The following LAP3 variants were observed in gnomAD, a reference collection of about 807,000 sequenced individuals.
LAP3 encodes cytosol aminopeptidase.
LAP3 carries 46 observed loss-of-function variants against 58.8 expected under a neutral mutation model. The observed-to-expected ratio is 0.78, with a 90% confidence interval of 0.62 to 1.00. The LOEUF is 1.00. Ranked by LOEUF, LAP3 falls within the 50% of genes least tolerant of loss-of-function variation. The probability of loss-of-function intolerance (pLI) is 0.00; values close to 1 mark genes in which losing one functional copy is unlikely to be tolerated. For synonymous variants in LAP3, 257 were observed against 237.7 expected, an observed-to-expected ratio of 1.08 and a Z score of -0.75; for missense variants, 615 against 659.1, an observed-to-expected ratio of 0.93 and a Z score of 0.73.
rs1294995226 is a variant in LAP3, at chr4:17,583,508, G to C, written c.405G>C (p.Leu135=). The change falls in exon 5 of 13, where the codon CTG becomes CTC. Residue 135 remains leucine (L), a synonymous_variant. Coordinates refer to ENST00000226299, the MANE Select transcript of LAP3 (RefSeq NM_015907.3). ...CGGGGTGCAGGCAGATTCAAGACCT[G>C]GAGCTCTCGTCTGTGGAGGTGGATC... ...VAAGCRQIQD[L]ELSSVEVDPC... is the part of the protein sequence containing the mutation. 3 of 1,614,042 alleles carry C rather than the reference G, an allele frequency of 1.9e-6. No individual in the cohort carries two copies. Among genetic ancestry groups the C allele is most frequent in the Admixed American group, 1.7e-5 (1 of 60,030 alleles).
rs58358985 is a variant in LAP3 at position 17,580,186 on chromosome 4, T to TA, written c.218+247_218+248insA. Among the ~76,000 whole-genome samples, 17 of 30,204 alleles carry TA rather than the reference T, an allele frequency of 5.6e-4. 1 individual carries two copies. Among genetic ancestry groups the TA allele is most frequent in the African/African-American group, 3.9e-3 (17 of 4,370 alleles). The allele number at this position is 30,204 out of a possible 152,430, so 19.8% of individuals were successfully genotyped here. ...CTTTCATATATATATATATATGTATTTTTTTTTTTTTTCAGTAGAGTTGGG... is the reference window on the plus strand; with the variant it reads ...CTTTCATATATATATATATATGTATTATTTTTTTTTTTTCAGTAGAGTTGGG... On this transcript the variant is annotated intron_variant, in intron 2 of 12. Coordinates refer to ENST00000226299, the MANE Select transcript of LAP3 (RefSeq NM_015907.3).
intron 11 of LAP3, among the ~76,000 whole-genome samples, chr4:17,606,128 GATGA>G (rs887424955): frequency 3.3e-5 from 5 of 152,134 alleles, no homozygotes; most frequent in African/African-American, 1.2e-4. Flanking sequence ...GTGGGTAAGT[GATGA>G]ATGAATGAAT....
intron 7 of LAP3, among the ~76,000 whole-genome samples, chr4:17,589,977 GCCAAGGAGAGGC>G (rs1713638853): frequency 1.3e-5 from 2 of 152,106 alleles, no homozygotes; most frequent in African/African-American, 4.8e-5. Flanking sequence ...GGTTATTTCA[GCCAAGGAGAGGC>G]TGAACTGAGA....
chr4:17,595,676 C>A, intron 8 of LAP3, 142 bp downstream of exon 8: 1 of 980,100 alleles, frequency 1.0e-6, no homozygotes, highest in Non-Finnish European at 1.5e-6. Flanking sequence ...GCTATTTAGC[C>A]CAGATAAGTG....
chr4:17,588,673 A>C, intron 6 of LAP3, 146 bp from the exon 7 acceptor site: 4 of 686,238 alleles, frequency 5.8e-6, no homozygotes, highest in Non-Finnish European at 9.3e-6. Context: ...GAAAGCAAAT[A>C]ATGGGACCTG....
intron 10 of LAP3, among the ~76,000 whole-genome samples, chr4:17,603,177 C>T (rs939431471): frequency 1.3e-5 from 2 of 151,626 alleles, no homozygotes; most frequent in African/African-American, 4.8e-5. Context: ...GGTGTGGTGG[C>T]ATGTGCCTGT....
intron 11 of LAP3, among the ~76,000 whole-genome samples, chr4:17,605,084 A>C (rs1714086118): frequency 1.3e-5 from 2 of 151,402 alleles, no homozygotes; most frequent in Admixed American, 1.3e-4. Context: ...CATGCCCTTC[A>C]CAGCCAGCCT....
rs879270387 is a variant in LAP3 at position 17,577,250 on chromosome 4, C to A, written c.-216C>A. 0.025 allele frequency: 3,333 copies of A among 133,018 alleles called. No individual in the cohort carries two copies. The highest frequency in any genetic ancestry group is 0.062 in the Admixed American group (253 of 4,068). 8.2% of individuals were successfully genotyped at this position (133,018 alleles called of 1,614,324 possible). ...CGGGCGCACACGAATGCGGGCGCAC[C>A]CTTGAGTCCCCTCCACAACCGCGGT... is the stretch of plus-strand genomic sequence containing the variant. On this transcript the variant is annotated 5_prime_UTR_variant, in exon 1 of 13. Transcript: ENST00000226299.
rs372439585 is a variant in LAP3 at position 17,580,165 on chromosome 4, C to CATATATATATATATATATATATATATAT, written c.218+242_218+243insATATATATATATATATATATATATATAT. Among the ~76,000 whole-genome samples the CATATATATATATATATATATATATATAT allele has an allele frequency of 5.9e-4, 27 of 45,978 alleles. 1 individual carries two copies. The highest frequency in any genetic ancestry group is 3.2e-3 in the African/African-American group (25 of 7,818). The allele number at this position is 45,978 out of a possible 152,430, so 30.2% of individuals were successfully genotyped here. On this transcript the variant is annotated intron_variant, in intron 2 of 12. Transcript: ENST00000226299. ...GGCATGCCTCACCACTCCCGGCTTT[C>CATATATATATATATATATATATATATAT]ATATATATATATATATGTATTTTTT...
chr4:17,587,386 T>C (rs1240287034), intron 6 of LAP3: 1 of 151,952 alleles, frequency 6.6e-6, no homozygotes, highest in Non-Finnish European at 1.5e-5. Context: ...AAGTACTGAG[T>C]TAATGATTTA....
intron 9 of LAP3, 80 bp from the exon 10 acceptor site, chr4:17,598,376 C>T: frequency 9.7e-7 from 1 of 1,031,882 alleles, no homozygotes; most frequent in Non-Finnish European, 1.5e-6. Context: ...TCCAACTTTT[C>T]CGTCGAACAC....
intron 10 of LAP3, 77 bp from the exon 11 acceptor site, chr4:17,604,511 A>T (rs951633627): frequency 2.1e-6 from 2 of 964,784 alleles, no homozygotes; most frequent in Non-Finnish European, 3.4e-6. Context: ...GTACATGCTA[A>T]GGTTTCCATC....
intron 1 of LAP3, among the ~76,000 whole-genome samples, chr4:17,579,322 C>CT (rs1713289614): frequency 6.6e-6 from 1 of 152,142 alleles, no homozygotes; most frequent in Non-Finnish European, 1.5e-5. Context: ...TCTCCTTTTC[C>CT]TGGTACAGGG....
chr4:17,591,157 A>G (rs1713682568), intron 7 of LAP3, among the ~76,000 whole-genome samples: 1 of 151,042 alleles, frequency 6.6e-6, no homozygotes, highest in African/African-American at 2.4e-5. Flanking sequence ...GCTCATTGCA[A>G]CCTCTGCCTC....
intron 4 of LAP3, 51 bp downstream of exon 4, chr4:17,582,444 T>C (rs1713390316): frequency 7.3e-7 from 1 of 1,378,882 alleles, no homozygotes; most frequent in African/African-American, 1.4e-5. Flanking sequence ...CTCTTTTTGA[T>C]GACCTCTCTT....
At chr4:17,598,608 T>C (rs1713892496) in intron 10 of LAP3, 50 bp downstream of exon 10, 1 of 1,328,156 alleles carries the variant, frequency 7.5e-7, no homozygotes, top group Non-Finnish European at 1.1e-6. Context: ...TCTTGTTCGT[T>C]GCATGGATTT....
rs1713212087 is a variant in LAP3 at position 17,577,209 on chromosome 4, C to CGGGCGCACACGAATGT, written c.-242_-241insTGGGCGCACACGAATG. ...CCGCATGCGCGGGCGCACACGAATG[C>CGGGCGCACACGAATGT]GGGCGCACACGAATGCGGGCGCACA... On this transcript the variant is annotated 5_prime_UTR_variant, in exon 1 of 13. In the 5' UTR this introduces an upstream ATG that the reference lacks. Coordinates refer to ENST00000226299, the MANE Select transcript of LAP3 (RefSeq NM_015907.3). 1.2e-5 allele frequency: 4 copies of CGGGCGCACACGAATGT among 331,236 alleles called. No homozygotes were observed. Among genetic ancestry groups the CGGGCGCACACGAATGT allele is most frequent in the South Asian group, 7.4e-5 (1 of 13,536 alleles). The allele number at this position is 331,236 out of a possible 1,614,324, so 20.5% of individuals were successfully genotyped here.
intron 2 of LAP3, among the ~76,000 whole-genome samples, chr4:17,580,186 T>TATATATATATATATATATA (rs58358985): frequency 3.3e-5 from 1 of 30,202 alleles, no homozygotes; most frequent in South Asian, 9.3e-4. Context: ...ATATATGTAT[T>TATATATATATATATATATA]TTTTTTTTTT....
At chr4:17,585,844 C>T (rs1366096981) in intron 6 of LAP3, 1 of 152,210 alleles carries the variant, frequency 6.6e-6, no homozygotes, top group Non-Finnish European at 1.5e-5. Context: ...TTCCCTAAAG[C>T]CAGCAGGGGA....
Sources: allele counts gnomAD v4.1 joint callset (sites outside exome capture counted in the v4.1 genomes callset), GRCh38; gene constraint gnomAD v4.1.1; transcripts MANE v1.5; gene names NCBI Gene and HGNC (gene_info 2026-07-23, HGNC 2026-07-21).